Variants in GRM7 observed in about 807,000 individuals in gnomAD.
GRM7 encodes glutamate metabotropic receptor 7.
GRM7 carries 35 observed loss-of-function variants against 84.5 expected under a neutral mutation model. That is an observed-to-expected ratio of 0.41 (90% CI 0.32 to 0.55). GRM7 has a LOEUF of 0.55. GRM7 is among the 20% of genes least tolerant of loss of function. The pLI, the probability that GRM7 is intolerant of heterozygous loss-of-function variation, is 0.19. For missense variants in GRM7, 1,003 were observed against 1,194.6 expected (o/e 0.84, Z 2.36); for synonymous variants, 487 against 455.1 (o/e 1.07, Z -0.89).
intron 2 of GRM7, among the ~76,000 whole-genome samples, chr3:7,267,118 G>A (rs938072465): frequency 1.5e-4 from 23 of 151,996 alleles, no homozygotes; most frequent in African/African-American, 4.1e-4. Context: ...CTATTTTTTT[G>A]AGTCAAAAAC....
At chr3:7,279,768 G>T (rs1008954722) in intron 2 of GRM7, among the ~76,000 whole-genome samples, 11 of 152,158 alleles carry the variant, frequency 7.2e-5, no homozygotes, top group Admixed American at 7.2e-4. Context: ...TCTATTTGGT[G>T]TGTGTGCTTG....
chr3:7,349,984 T>C (rs968889457), intron 4 of GRM7, among the ~76,000 whole-genome samples: 1 of 152,214 alleles, frequency 6.6e-6, no homozygotes, highest in African/African-American at 2.4e-5. Flanking sequence ...CTTGTAGTTT[T>C]CCAGAGCATA....
At chr3:7,544,382 C>G (rs957167167) in intron 7 of GRM7, among the ~76,000 whole-genome samples, 3 of 152,098 alleles carry the variant, frequency 2.0e-5, no homozygotes, top group Admixed American at 2.0e-4. Flanking sequence ...TCTCAAATTC[C>G]TGGCTTCAAG....
Position 7,161,253 on chromosome 3 carries a change from G to A in GRM7, c.736+14585G>A, listed in dbSNP as rs192997687. Among the ~76,000 whole-genome samples, 509 of 151,712 alleles carry A rather than the reference G, an allele frequency of 3.4e-3. 1 individual carries two copies. Among genetic ancestry groups the A allele is most frequent in the African/African-American group, 0.012 (480 of 41,350 alleles). ...TGACAACTCCAGTGTAGGTGTCCACGGTTCCCTTAATCTCTACCCTGCTCC... is the reference window on the plus strand; with the variant it reads ...TGACAACTCCAGTGTAGGTGTCCACAGTTCCCTTAATCTCTACCCTGCTCC... On this transcript the variant is annotated intron_variant, in intron 2 of 9. Coordinates refer to ENST00000357716, the MANE Select transcript of GRM7 (RefSeq NM_000844.4).
intron 1 of GRM7, among the ~76,000 whole-genome samples, chr3:6,927,494 A>G (rs868806449): frequency 6.6e-6 from 1 of 151,346 alleles, no homozygotes; most frequent in Admixed American, 6.6e-5. Context: ...AGAAAGAAAG[A>G]AAGAAAGAAA....
At chr3:7,419,997 C>A (rs919552969) in intron 5 of GRM7, among the ~76,000 whole-genome samples, 1 of 152,130 alleles carries the variant, frequency 6.6e-6, no homozygotes, top group African/African-American at 2.4e-5. Context: ...TGATAAATGT[C>A]TACATTTTGG....
chr3:7,676,895 C>T (rs1483914760), intron 8 of GRM7, among the ~76,000 whole-genome samples: 2 of 152,022 alleles, frequency 1.3e-5, no homozygotes, highest in African/African-American at 2.4e-5. Context: ...ATGATGGTTG[C>T]ACAATAACAA....
At chr3:7,340,433 G>A (rs1701595243) in intron 4 of GRM7, among the ~76,000 whole-genome samples, 1 of 152,080 alleles carries the variant, frequency 6.6e-6, no homozygotes, top group African/African-American at 2.4e-5. Flanking sequence ...AGCAAAGAGA[G>A]GAGAGCCCCT....
chr3:7,711,350 T>C (rs1701570277), intron 9 of GRM7, among the ~76,000 whole-genome samples: 1 of 152,044 alleles, frequency 6.6e-6, no homozygotes, highest in South Asian at 2.1e-4. Context: ...GTACAGCAAG[T>C]TCAAAGGCCC....
chr3:7,232,007 C>A (rs1259985837), intron 2 of GRM7, among the ~76,000 whole-genome samples: 1 of 152,082 alleles, frequency 6.6e-6, no homozygotes, highest in Non-Finnish European at 1.5e-5. Context: ...GTACACAGAT[C>A]ATTGAGAAGA....
At chr3:7,455,746 C>T (rs996620375) in intron 6 of GRM7, among the ~76,000 whole-genome samples, 1 of 152,088 alleles carries the variant, frequency 6.6e-6, no homozygotes, top group Non-Finnish European at 1.5e-5. Context: ...ACTGATTAAT[C>T]TTATGCTAGA....
intron 1 of GRM7, among the ~76,000 whole-genome samples, chr3:7,081,275 T>TG (rs1475405752): frequency 4.6e-5 from 7 of 152,210 alleles, no homozygotes; most frequent in African/African-American, 1.7e-4. Flanking sequence ...CGTGCTCACT[T>TG]CATGTCTCTA....
At chr3:7,334,472 G>T (rs960881231) in intron 4 of GRM7, among the ~76,000 whole-genome samples, 1 of 91,852 alleles carries the variant, frequency 1.1e-5, no homozygotes, top group Non-Finnish European at 2.1e-5. Context: ...AATCTCACAG[G>T]GACCCACAAA....
At chr3:7,534,415 A>G (rs1701164076) in intron 7 of GRM7, among the ~76,000 whole-genome samples, 1 of 152,230 alleles carries the variant, frequency 6.6e-6, no homozygotes, top group Non-Finnish European at 1.5e-5. Context: ...AAACTGTGGC[A>G]TGGAGAAGTG....
At chr3:7,479,419 G>C (rs376254868) in intron 7 of GRM7, among the ~76,000 whole-genome samples, 1 of 151,902 alleles carries the variant, frequency 6.6e-6, no homozygotes, top group Non-Finnish European at 1.5e-5. Context: ...CAAAGAGTGC[G>C]CCACGTTAGC....
rs538655485 is a variant in GRM7 at position 7,601,368 on chromosome 3, T to C, written c.2451+22011T>C. ...CCACAAACCTTAAGAACCTCTACAT[T>C]AGACCATAAGTGAGAGAGACAGGGG... On this transcript the variant is annotated intron_variant, in intron 8 of 9. Transcript: ENST00000357716. 1.3e-4 allele frequency among the ~76,000 whole-genome samples: 20 copies of C among 152,122 alleles called. No homozygotes were observed. In the South Asian group the frequency reaches 2.1e-3, roughly 16 times the overall value.
At chr3:7,201,753 A>AAT (rs1696075626) in intron 2 of GRM7, among the ~76,000 whole-genome samples, 1 of 149,292 alleles carries the variant, frequency 6.7e-6, no homozygotes, top group East Asian at 1.9e-4. Context: ...AGTTAATATC[A>AAT]CAGCCAGAAT....
intron 2 of GRM7, among the ~76,000 whole-genome samples, chr3:7,223,531 AAG>A (rs1696879831): frequency 6.6e-6 from 1 of 152,172 alleles, no homozygotes; most frequent in South Asian, 2.1e-4. Flanking sequence ...TTATCAAAAA[AAG>A]CTCCTCTTTC....
At chr3:7,162,719 C>A (rs1029233476) in intron 2 of GRM7, among the ~76,000 whole-genome samples, 7 of 128,650 alleles carry the variant, frequency 5.4e-5, no homozygotes, top group Admixed American at 3.4e-4. Flanking sequence ...TCCCATTACT[C>A]CCATTTTTCA....
Sources: allele counts gnomAD v4.1 joint callset (sites outside exome capture counted in the v4.1 genomes callset), GRCh38; gene constraint gnomAD v4.1.1; transcripts MANE v1.5; gene names NCBI Gene and HGNC (gene_info 2026-07-23, HGNC 2026-07-21).